Variants in FMNL3 observed in about 807,000 individuals in gnomAD.
FMNL3 encodes the protein formin like 3.
In FMNL3, 57 loss-of-function variants were observed where a neutral mutation model predicts 119.6. That is an observed-to-expected ratio of 0.48 (90% CI 0.39 to 0.59). The LOEUF is 0.59. FMNL3 is among the 20% of genes least tolerant of loss of function. The pLI, the probability that FMNL3 is intolerant of heterozygous loss-of-function variation, is 0.00. For synonymous variants in FMNL3, 491 were observed against 507.3 expected, an observed-to-expected ratio of 0.97 and a Z score of 0.43; for missense variants, 1,053 against 1,323.5, an observed-to-expected ratio of 0.80 and a Z score of 3.17.
intron 1 of FMNL3, among the ~76,000 whole-genome samples, chr12:49,678,751 C>G (rs1370158279): frequency 6.6e-6 from 1 of 152,198 alleles, no homozygotes; most frequent in African/African-American, 2.4e-5. Flanking sequence ...GCATGAGCCA[C>G]AGTGCCCCAC....
chr12:49,680,821 T>C lies in FMNL3; in HGVS notation c.127-12267A>G, dbSNP rs1339937961. ...CTCACTTACTATTCTCAATAACCAC[T>C]GAGGGAATTAAGAATCTGAGACCAA... On this transcript the variant is annotated intron_variant, in intron 1 of 25. Coordinates refer to ENST00000335154, the MANE Select transcript of FMNL3 (RefSeq NM_175736.5). 2.0e-5 allele frequency among the ~76,000 whole-genome samples: 3 copies of C among 152,280 alleles called. No individual in the cohort carries two copies. In the East Asian group the frequency reaches 5.8e-4, roughly 29 times the overall value.
chr12:49,636,772 A>T lies in FMNL3; in HGVS notation c.*9043T>A. On this transcript the variant is annotated 3_prime_UTR_variant, in exon 26 of 26. Transcript: ENST00000335154. ...TGAGGAGCACATCCGAGCTTTGGAG[A>T]GGGAAGAGGAGGAGGAACGGGAGCG... 6.2e-7 allele frequency: 1 copy of T among 1,614,194 alleles called. No homozygotes were observed. Among genetic ancestry groups the T allele is most frequent in the Non-Finnish European group, 8.5e-7 (1 of 1,180,028 alleles).
intron 1 of FMNL3, among the ~76,000 whole-genome samples, chr12:49,701,943 C>A (rs1472538346): frequency 1.3e-5 from 2 of 151,980 alleles, no homozygotes; most frequent in Non-Finnish European, 2.9e-5. Flanking sequence ...AAACCACTTA[C>A]AATTACTAGC....
At chr12:49,653,375 A>G (rs755760989) in intron 12 of FMNL3, 48 bp from the exon 13 acceptor site, 1 of 1,585,760 alleles carries the variant, frequency 6.3e-7, no homozygotes, top group African/African-American at 1.3e-5. Flanking sequence ...AAGCCTGGGC[A>G]CTCAGCACAG....
intron 11 of FMNL3, 123 bp from the exon 12 acceptor site, chr12:49,653,997 G>A: frequency 3.6e-6 from 5 of 1,384,286 alleles, no homozygotes; most frequent in Non-Finnish European, 4.9e-6. Context: ...CCTGCTGCAG[G>A]CCATGTCAGA....
chr12:49,650,895 A>T lies in FMNL3; in HGVS notation c.1798-17T>A, dbSNP rs1238734890. Reference sequence around the variant, plus strand: ...ATCCAGGTCCTGGCAGGAATAGGTGAGCAAGGAAAACGCTGTAGCCTCATA... The same window carrying T: ...ATCCAGGTCCTGGCAGGAATAGGTGTGCAAGGAAAACGCTGTAGCCTCATA... On this transcript the variant is annotated splice_polypyrimidine_tract_variant and intron_variant, in intron 16 of 25. Coordinates refer to ENST00000335154, the MANE Select transcript of FMNL3 (RefSeq NM_175736.5). 2 of 1,613,768 alleles carry T rather than the reference A, an allele frequency of 1.2e-6. No homozygotes were observed. Among genetic ancestry groups the T allele is most frequent in the Admixed American group, 1.7e-5 (1 of 59,998 alleles).
Position 49,641,848 on chromosome 12 carries a change from C to T in FMNL3, c.*3967G>A. 1.4e-6 allele frequency: 2 copies of T among 1,426,050 alleles called. No individual in the cohort carries two copies. Among genetic ancestry groups the T allele is most frequent in the Non-Finnish European group, 2.0e-6 (2 of 1,015,150 alleles). The allele number at this position is 1,426,050 out of a possible 1,614,324, so 88.3% of individuals were successfully genotyped here. On this transcript the variant is annotated 3_prime_UTR_variant, in exon 26 of 26. Transcript: ENST00000335154. ...GACCATCTGTAATGTGACCACTCTG[C>T]CTGCCAGCTTTGGCCTCAGGCACGT...
chr12:49,659,115 T>C (rs1272270801), intron 5 of FMNL3, among the ~76,000 whole-genome samples: 1 of 152,158 alleles, frequency 6.6e-6, no homozygotes, highest in Non-Finnish European at 1.5e-5. Context: ...CAGGACTAAA[T>C]GGAAGGGAAA....
chr12:49,661,008 G>C (rs1397317538), intron 5 of FMNL3, among the ~76,000 whole-genome samples: 1 of 152,216 alleles, frequency 6.6e-6, no homozygotes, highest in Non-Finnish European at 1.5e-5. Context: ...GGATGGAGGA[G>C]TTTCCTGGGA....
At chr12:49,687,250 C>T (rs901834772) in intron 1 of FMNL3, among the ~76,000 whole-genome samples, 21 of 152,034 alleles carry the variant, frequency 1.4e-4, no homozygotes, top group African/African-American at 4.8e-4. Flanking sequence ...CCCGCCACCA[C>T]GCCCGGCTAA....
At chr12:49,702,030 A>G (rs1944923539) in intron 1 of FMNL3, among the ~76,000 whole-genome samples, 1 of 152,166 alleles carries the variant, frequency 6.6e-6, no homozygotes, top group Admixed American at 6.5e-5. Flanking sequence ...CTGGCAGGGC[A>G]TGGTGGCTCA....
intron 1 of FMNL3, among the ~76,000 whole-genome samples, chr12:49,686,085 A>T (rs1944451005): frequency 6.6e-6 from 1 of 151,928 alleles, no homozygotes; most frequent in Admixed American, 6.5e-5. Flanking sequence ...ATAAATAAAA[A>T]TTCTATTTAA....
intron 1 of FMNL3, among the ~76,000 whole-genome samples, chr12:49,700,638 C>T (rs1018075865): frequency 2.0e-5 from 3 of 148,856 alleles, no homozygotes; most frequent in Non-Finnish European, 4.4e-5. Flanking sequence ...TTGCTTGAAC[C>T]CAGGAAGCAG....
rs192045704 is a variant in FMNL3 at position 49,693,428 on chromosome 12, A to C, written c.126+13627T>G. On this transcript the variant is annotated intron_variant, in intron 1 of 25. Coordinates refer to ENST00000335154, the MANE Select transcript of FMNL3 (RefSeq NM_175736.5). ...AGTCTCGCTCTGTCACCCAGGCTGG[A>C]GTACAGTGGTGCCATCTTGGCTCAC... is the stretch of plus-strand genomic sequence containing the variant. 6.5e-4 allele frequency among the ~76,000 whole-genome samples: 99 copies of C among 151,638 alleles called. 1 individual carries two copies. Among genetic ancestry groups the C allele is most frequent in the African/African-American group, 2.4e-3 (98 of 41,300 alleles).
rs1446061363 is a variant in FMNL3 at position 49,642,495 on chromosome 12, C to T, written c.*3320G>A. The T allele has an allele frequency of 1.9e-6, 3 of 1,576,340 alleles. No individual in the cohort carries two copies. Among genetic ancestry groups the T allele is most frequent in the Non-Finnish European group, 2.6e-6 (3 of 1,148,300 alleles). On this transcript the variant is annotated 3_prime_UTR_variant, in exon 26 of 26. Coordinates refer to ENST00000335154, the MANE Select transcript of FMNL3 (RefSeq NM_175736.5). This position sits in a 1 kb window ranked among gnomAD's most constrained non-coding sequence, Gnocchi z 5.8. ...AGCTCCAGTTCCCTTCCTTTCTCTG[C>T]CCCAGCCCTGCCCTGTGCTCATGGC...
intron 1 of FMNL3, among the ~76,000 whole-genome samples, chr12:49,697,409 G>A (rs1351642743): frequency 1.3e-5 from 2 of 152,184 alleles, no homozygotes; most frequent in Non-Finnish European, 1.5e-5. Flanking sequence ...CAGGACAAAG[G>A]AGGTACAGAT....
In FMNL3 at chr12:49,643,479, T is replaced by A; in HGVS notation, c.*2336A>T. 2.7e-6 allele frequency: 4 copies of A among 1,491,356 alleles called. No homozygotes were observed. The South Asian group carries it at 4.0e-5, about 15-fold the overall frequency. 92.4% of individuals were successfully genotyped at this position (1,491,356 alleles called of 1,614,324 possible). On this transcript the variant is annotated 3_prime_UTR_variant, in exon 26 of 26. Transcript: ENST00000335154. The stretch of plus-strand genomic sequence containing the variant: ...TGCCCTCCACAAGCCCCAGCTCCTT[T>A]GAGGGTAGACTGGATTGGGAGGGCT...
chr12:49,653,419 T>A, intron 12 of FMNL3, 92 bp from the exon 13 acceptor site: 2 of 1,313,918 alleles, frequency 1.5e-6, no homozygotes, highest in Non-Finnish European at 2.2e-6. Flanking sequence ...GTCGGACCCC[T>A]CAACACAAGG....
chr12:49,668,479 A>C lies in FMNL3; in HGVS notation c.202T>G (p.Cys68Gly). 1 of 1,614,078 alleles carries C rather than the reference A, an allele frequency of 6.2e-7. No homozygotes were observed. The highest frequency in any genetic ancestry group is 8.5e-7 in the Non-Finnish European group (1 of 1,180,014). Residue 68 changes from cysteine (C) to glycine (G), a missense_variant, in exon 2 of 26, where the codon TGT becomes GGT. Physicochemically the swap from Cys to Gly is radical, Grantham distance 159. Transcript: ENST00000335154. ...TTTCCCAAACCCCATACCTGGTCAC[A>C]GATCAGATCCCATTTCTTCTCATTG... ...YDNEKKWDLI[C>G]DQERFQVKNP...
Sources: allele counts gnomAD v4.1 joint callset (sites outside exome capture counted in the v4.1 genomes callset), GRCh38; gene constraint gnomAD v4.1.1; non-coding constraint Gnocchi (gnomAD v3.1); transcripts MANE v1.5; gene names NCBI Gene and HGNC (gene_info 2026-07-23, HGNC 2026-07-21).